Variants in TUSC3 observed in about 807,000 individuals in gnomAD.
TUSC3 encodes the protein tumor suppressor candidate 3.
In TUSC3, 45 loss-of-function variants were observed where a neutral mutation model predicts 44.8. The ratio of observed to expected loss-of-function variants is 1.00; its 90% CI spans 0.79 to 1.29. The LOEUF (loss-of-function observed/expected upper bound fraction) is 1.29, where lower values mean the gene tolerates loss of function less well. Among genes scored for constraint, TUSC3 ranks in the 50% most tolerant of loss-of-function variants. The pLI, the probability that TUSC3 is intolerant of heterozygous loss-of-function variation, is 0.00. For synonymous variants in TUSC3, 212 were observed against 152.9 expected, an observed-to-expected ratio of 1.39 and a Z score of -2.85; for missense variants, 519 against 437.9, an observed-to-expected ratio of 1.19 and a Z score of -1.65.
chr8:15,465,981 A>G (rs927965610), intron 1 of TUSC3, among the ~76,000 whole-genome samples: 10 of 152,174 alleles, frequency 6.6e-5, no homozygotes, highest in Non-Finnish European at 1.2e-4. Flanking sequence ...TTGAAACTCA[A>G]ATTCAAATGT....
chr8:15,619,531 G>A (rs1226881407), intron 1 of TUSC3, among the ~76,000 whole-genome samples: 4 of 150,702 alleles, frequency 2.7e-5, no homozygotes, highest in Non-Finnish European at 4.4e-5. Context: ...TGTCTCTGTC[G>A]CCCAGGCTGG....
At chr8:15,606,644 C>T (rs181205177) in intron 1 of TUSC3, among the ~76,000 whole-genome samples, 27 of 152,092 alleles carry the variant, frequency 1.8e-4, no homozygotes, top group Admixed American at 1.5e-3. Context: ...TAATCAGATT[C>T]CTCTCTGTAG....
chr8:15,648,811 AATTCCTTT>A (rs1020376712), intron 2 of TUSC3, among the ~76,000 whole-genome samples: 2 of 150,656 alleles, frequency 1.3e-5, no homozygotes, highest in Non-Finnish European at 3.0e-5. Context: ...TAAAAACAAT[AATTCCTTT>A]AAACCCGGTG....
At chr8:15,461,844 A>G (rs1800349651) in intron 1 of TUSC3, among the ~76,000 whole-genome samples, 1 of 152,044 alleles carries the variant, frequency 6.6e-6, no homozygotes, top group South Asian at 2.1e-4. Context: ...AAATTAAAAC[A>G]TTAAAATAAT....
In TUSC3 at chr8:15,656,929, G is replaced by C. The variant is rs1807199167; in HGVS notation, c.427-2578G>C. Reference sequence around the variant, plus strand: ...TGGCTTGCACCCTCCAGAGTAGTGGGTTGAGCAACACTTGAGCCTACTTGA... The same window carrying C: ...TGGCTTGCACCCTCCAGAGTAGTGGCTTGAGCAACACTTGAGCCTACTTGA... On this transcript the variant is annotated intron_variant, in intron 3 of 10. Transcript: ENST00000503731. Among the ~76,000 whole-genome samples, 3 of 152,306 alleles carry C rather than the reference G, an allele frequency of 2.0e-5. No individual in the cohort carries two copies. In the East Asian group the frequency reaches 5.8e-4, roughly 29 times the overall value.
chr8:15,509,902 C>G (rs1032482776), intron 2 of TUSC3, among the ~76,000 whole-genome samples: 2 of 152,084 alleles, frequency 1.3e-5, no homozygotes, highest in Non-Finnish European at 2.9e-5. Context: ...TTATCTAATG[C>G]TTACCAGGAG....
intron 1 of TUSC3, among the ~76,000 whole-genome samples, chr8:15,622,810 CT>C (rs138823338): frequency 2.0e-5 from 3 of 150,862 alleles, no homozygotes; most frequent in African/African-American, 4.9e-5. Context: ...CTTGAGCCTT[CT>C]TTTTTTTTAT....
intron 6 of TUSC3, among the ~76,000 whole-genome samples, chr8:15,691,290 C>G (rs945885201): frequency 2.6e-5 from 4 of 152,032 alleles, no homozygotes; most frequent in African/African-American, 9.7e-5. Flanking sequence ...GGATTTCATT[C>G]TTAATTTGGC....
intron 1 of TUSC3, among the ~76,000 whole-genome samples, chr8:15,576,358 G>T (rs1421538275): frequency 7.3e-6 from 1 of 137,028 alleles, no homozygotes; most frequent in Non-Finnish European, 1.5e-5. Context: ...TGTGCACATT[G>T]TGCAGGTTAG....
Position 15,488,904 on chromosome 8 carries a change from T to A in TUSC3, n.189+5421T>A, listed in dbSNP as rs1800770157. ...CATCCCAAATTGACTAAAACAGTCA[T>A]CTTCTTTCTGTCAAATGGGAATATG... On this transcript the variant is annotated intron_variant and non_coding_transcript_variant, in intron 2 of 5. Transcript: ENST00000503191. Among the ~76,000 whole-genome samples the A allele has an allele frequency of 2.0e-5, 3 of 152,200 alleles. No individual in the cohort carries two copies. In the South Asian group the frequency reaches 6.2e-4, roughly 31 times the overall value.
intron 1 of TUSC3, among the ~76,000 whole-genome samples, chr8:15,580,825 T>C (rs1185342889): frequency 7.0e-6 from 1 of 143,076 alleles, no homozygotes; most frequent in Non-Finnish European, 1.5e-5. Context: ...GGAGTATCTT[T>C]GTGGCATTCC....
At chr8:15,575,609 A>T (rs1228610856) in intron 1 of TUSC3, among the ~76,000 whole-genome samples, 1 of 152,094 alleles carries the variant, frequency 6.6e-6, no homozygotes, top group Admixed American at 6.6e-5. Flanking sequence ...TCTATTTAAA[A>T]TAAAAAAATT....
chr8:15,582,603 C>G (rs1308171739), intron 1 of TUSC3, among the ~76,000 whole-genome samples: 1 of 152,134 alleles, frequency 6.6e-6, no homozygotes, highest in Non-Finnish European at 1.5e-5. Context: ...CAAATTGGGT[C>G]AATCTTGGCA....
At chr8:15,846,354 C>G in the TUSC3 span, among the ~76,000 whole-genome samples, 1 of 152,044 alleles carries the variant, frequency 6.6e-6, no homozygotes, top group African/African-American at 2.4e-5. Context: ...ATAGTAGAAC[C>G]CATTACTGCT....
chr8:15,467,442 A>T (rs1800428575), intron 1 of TUSC3, among the ~76,000 whole-genome samples: 1 of 152,174 alleles, frequency 6.6e-6, no homozygotes. Flanking sequence ...AATTATACAT[A>T]CTGCCTTAGA....
the TUSC3 span, among the ~76,000 whole-genome samples, chr8:15,813,060 C>T: frequency 6.6e-6 from 1 of 152,100 alleles, no homozygotes; most frequent in African/African-American, 2.4e-5. Context: ...CGCCACTGCA[C>T]TGCGGCCTGG....
intron 1 of TUSC3, among the ~76,000 whole-genome samples, chr8:15,452,047 A>G (rs540988565): frequency 1.3e-5 from 2 of 152,208 alleles, no homozygotes; most frequent in African/African-American, 2.4e-5. Flanking sequence ...ACCACTCAGC[A>G]CCATCCCCAC....
At chr8:15,496,752 G>C (rs998831840) in intron 2 of TUSC3, among the ~76,000 whole-genome samples, 1 of 152,104 alleles carries the variant, frequency 6.6e-6, no homozygotes. Context: ...AGGGAGAGCT[G>C]GGTCGTTTTA....
chr8:15,745,816 G>C (rs1485768698), intron 8 of TUSC3, among the ~76,000 whole-genome samples: 1 of 151,906 alleles, frequency 6.6e-6, no homozygotes, highest in South Asian at 2.1e-4. Context: ...GTTTTTATTT[G>C]CAATTGCCTT....
Sources: gnomAD v4.1 joint callset for allele counts (sites outside exome capture counted in the v4.1 genomes callset) on GRCh38, gnomAD v4.1.1 for gene constraint, MANE v1.5 for transcripts, NCBI Gene and HGNC (gene_info 2026-07-23, HGNC 2026-07-21) for gene names.